CTSH: variants seen among roughly 807,000 people sequenced by gnomAD.
CTSH encodes the protein cathepsin H, also known as pro-cathepsin H.
CTSH carries 52 observed loss-of-function variants against 56.3 expected under a neutral mutation model. The observed-to-expected ratio is 0.92, with a 90% CI of 0.74 to 1.16. The LOEUF is 1.16. Ranked by LOEUF, CTSH falls within the 50% of genes most tolerant of loss-of-function variation. The pLI is 0.00. For missense variants in CTSH, 406 were observed against 424.5 expected, an observed-to-expected ratio of 0.96 and a Z score of 0.38; for synonymous variants, 174 against 155.7, an observed-to-expected ratio of 1.12 and a Z score of -0.88.
At chr15:78,934,918 G>GGT in intron 5 of CTSH, 60 bp downstream of exon 5, 1 of 1,066,414 alleles carries the variant, frequency 9.4e-7, no homozygotes, top group Non-Finnish European at 1.5e-6. Flanking sequence ...TGTTCTTCCT[G>GGT]GTGTATTGTC....
intron 10 of CTSH, 38 bp downstream of exon 10, chr15:78,925,296 C>T: frequency 1.5e-6 from 2 of 1,375,438 alleles, no homozygotes; most frequent in South Asian, 2.3e-5. Flanking sequence ...CCAAGCCCCT[C>T]CCCACTGTCC....
At chr15:78,931,707 A>G in intron 6 of CTSH, 1 of 1,450,742 alleles carries the variant, frequency 6.9e-7, no homozygotes, top group Non-Finnish European at 9.1e-7. Flanking sequence ...ACATGTCGGG[A>G]GGGGCTCAGT....
intron 1 of CTSH, 123 bp downstream of exon 1, chr15:78,944,768 G>T (rs1229511466): frequency 1.4e-6 from 2 of 1,379,468 alleles, no homozygotes; most frequent in Non-Finnish European, 1.9e-6. Context: ...CAGAGTTCCT[G>T]GCCTCTCACC....
At chr15:78,938,632 G>GTACATA (rs777703636) in intron 2 of CTSH, among the ~76,000 whole-genome samples, 103 of 152,292 alleles carry the variant, frequency 6.8e-4, no homozygotes, top group East Asian at 5.8e-4. Flanking sequence ...ATTCCATTGT[G>GTACATA]TACATACACC....
At chr15:78,925,002 T>C (rs1350168861) in intron 10 of CTSH, among the ~76,000 whole-genome samples, 1 of 148,708 alleles carries the variant, frequency 6.7e-6, no homozygotes, top group Non-Finnish European at 1.5e-5. Context: ...GGCCTGAACA[T>C]GGGTTTTTTT....
chr15:78,935,959 A>T (rs561477118), intron 3 of CTSH, among the ~76,000 whole-genome samples: 1 of 152,114 alleles, frequency 6.6e-6, no homozygotes, highest in African/African-American at 2.4e-5. Context: ...AGCTTTTTCA[A>T]TGGTATAGAT....
chr15:78,927,019 CT>C (rs2054920353), intron 9 of CTSH: 1 of 152,390 alleles, frequency 6.6e-6, no homozygotes, highest in African/African-American at 2.4e-5. Context: ...TATTCCTCCA[CT>C]CCTCACACAC....
chr15:78,932,166 T>G (rs960737170), intron 6 of CTSH: 1 of 951,252 alleles, frequency 1.1e-6, no homozygotes, highest in South Asian at 1.8e-5. Context: ...GAATGAGCCC[T>G]TGGGCCGGTT....
At chr15:78,941,660 G>A (rs1467876899) in intron 1 of CTSH, among the ~76,000 whole-genome samples, 1 of 151,894 alleles carries the variant, frequency 6.6e-6, no homozygotes, top group Non-Finnish European at 1.5e-5. Context: ...GCCGGGCGTG[G>A]TGGCGGGCGC....
intron 1 of CTSH, among the ~76,000 whole-genome samples, chr15:78,940,830 G>T (rs1018607866): frequency 2.6e-5 from 4 of 152,094 alleles, no homozygotes; most frequent in African/African-American, 9.7e-5. Flanking sequence ...ATGGTGGCAG[G>T]CGCCTGTAAT....
At position 78,931,499 on chromosome 15, in the gene CTSH, T is replaced by A. The variant is rs767310178; in HGVS notation, c.500A>T (p.Gln167Leu). 1 of 1,614,236 alleles carries A rather than the reference T, an allele frequency of 6.2e-7. No individual in the cohort carries two copies. Among genetic ancestry groups the A allele is most frequent in the South Asian group, 1.1e-5 (1 of 91,090 alleles). ...GTCCTGGGCGCAGTCCACCAGCTGCTGTTCCGCCTGGAAGAAGGACACAAC... is the reference window on the plus strand; with the variant it reads ...GTCCTGGGCGCAGTCCACCAGCTGCAGTTCCGCCTGGAAGAAGGACACAAC... ...ATGKMLSLAE[Q>L]QLVDCAQDFN... The change falls in exon 7 of 12, where the codon CAG becomes CTG. Residue 167 changes from glutamine to leucine, a missense_variant. Physicochemically the swap from Gln to Leu is moderately radical, Grantham distance 113 (BLOSUM62 -2). Coordinates refer to ENST00000220166, the MANE Select transcript of CTSH (RefSeq NM_004390.5).
intron 1 of CTSH, 44 bp from the exon 2 acceptor site, chr15:78,939,215 A>T: frequency 6.6e-7 from 1 of 1,524,820 alleles, no homozygotes; most frequent in Non-Finnish European, 8.9e-7. Flanking sequence ...CATCACAGTA[A>T]TGTTGAGTCT....
intron 5 of CTSH, among the ~76,000 whole-genome samples, chr15:78,933,265 C>A (rs574668137): frequency 6.6e-6 from 1 of 152,238 alleles, no homozygotes; most frequent in Non-Finnish European, 1.5e-5. Context: ...CTTCCCCTCT[C>A]GAAGCCTTGG....
At chr15:78,925,619 C>T (rs912239803) in intron 9 of CTSH, 179 bp from the exon 10 acceptor site, 75 of 548,216 alleles carry the variant, frequency 1.4e-4, no homozygotes, top group Non-Finnish European at 1.7e-4. Context: ...GGCCATCTCT[C>T]GTTCCTCTCC....
At chr15:78,939,969 G>A (rs189765220) in intron 1 of CTSH, among the ~76,000 whole-genome samples, 69 of 152,296 alleles carry the variant, frequency 4.5e-4, no homozygotes, top group Non-Finnish European at 8.2e-4. Context: ...AATATTTCAG[G>A]CTTTGCCATC....
chr15:78,928,907 C>T (rs2054982566), intron 8 of CTSH, among the ~76,000 whole-genome samples: 2 of 151,942 alleles, frequency 1.3e-5, no homozygotes, highest in East Asian at 3.9e-4. Context: ...TGCTCATCAC[C>T]ACGAGGGGAA....
intron 9 of CTSH, chr15:78,927,304 A>G (rs2054928065): frequency 8.3e-6 from 2 of 242,392 alleles, no homozygotes; most frequent in Non-Finnish European, 8.1e-6. Flanking sequence ...GTTGTCAGCC[A>G]TGCAGATTGG....
At chr15:78,935,412 C>A (rs2055154734) in intron 4 of CTSH, among the ~76,000 whole-genome samples, 1 of 152,178 alleles carries the variant, frequency 6.6e-6, no homozygotes, top group Admixed American at 6.5e-5. Context: ...TAAAGAATTA[C>A]TTGTTGTGTA....
chr15:78,940,526 A>G (rs1484575270), intron 1 of CTSH, among the ~76,000 whole-genome samples: 3 of 142,106 alleles, frequency 2.1e-5, no homozygotes, highest in African/African-American at 8.4e-5. Context: ...GACAGGAGTG[A>G]GACCTTGTCT....
Sources: gnomAD v4.1 joint callset for allele counts (sites outside exome capture counted in the v4.1 genomes callset) on GRCh38, gnomAD v4.1.1 for gene constraint, MANE v1.5 for transcripts, NCBI Gene and HGNC (gene_info 2026-07-23, HGNC 2026-07-21) for gene names.